GALNT18: variants seen among roughly 807,000 people sequenced by gnomAD.
GALNT18 encodes polypeptide N-acetylgalactosaminyltransferase 18, also known as GalNAc-transferase 18.
GALNT18 carries 44 observed loss-of-function variants against 69.5 expected under a neutral mutation model. The ratio of observed to expected loss-of-function variants is 0.63; its 90% confidence interval spans 0.50 to 0.81. The LOEUF (loss-of-function observed/expected upper bound fraction) is 0.81. GALNT18 is among the 40% of genes least tolerant of loss of function. The pLI is 0.00. For missense variants in GALNT18, 715 were observed against 810.0 expected, an observed-to-expected ratio of 0.88 and a Z score of 1.42; for synonymous variants, 364 against 318.2, an observed-to-expected ratio of 1.14 and a Z score of -1.53.
chr11:11,411,225 G>C (rs1220709901), intron 3 of GALNT18, among the ~76,000 whole-genome samples: 4 of 152,274 alleles, frequency 2.6e-5, no homozygotes, highest in Middle Eastern at 6.8e-3. Flanking sequence ...AAGGTGAGAG[G>C]ACCACTTGAG....
chr11:11,542,786 G>T lies in GALNT18; in HGVS notation c.235+78573C>A, dbSNP rs551388509. On this transcript the variant is annotated intron_variant, in intron 1 of 10. Coordinates refer to ENST00000227756, the MANE Select transcript of GALNT18 (RefSeq NM_198516.3). The surrounding 1 kb of genome is among the most constrained non-coding windows in gnomAD (Gnocchi z 4.3). ...GCCCCTTTCTTCATTATTTCTGATC[G>T]ATCTGCTTTTGATAGCACTTTCCAA... is the stretch of plus-strand genomic sequence containing the variant. Among the ~76,000 whole-genome samples, 128 of 152,238 alleles carry T rather than the reference G, an allele frequency of 8.4e-4. No individual in the cohort carries two copies. Among genetic ancestry groups the T allele is most frequent in the Non-Finnish European group, 1.6e-3 (107 of 68,012 alleles).
intron 1 of GALNT18, among the ~76,000 whole-genome samples, chr11:11,452,913 G>A (rs780864427): frequency 8.5e-5 from 13 of 152,166 alleles, no homozygotes; most frequent in Non-Finnish European, 1.3e-4. Context: ...CCCCAGGAGG[G>A]CCCATTCGAG....
chr11:11,522,236 ATCGGT>A (rs1358482951), intron 1 of GALNT18, among the ~76,000 whole-genome samples: 3 of 152,082 alleles, frequency 2.0e-5, no homozygotes, highest in Admixed American at 6.5e-5. Flanking sequence ...TCAAACACAC[ATCGGT>A]CCCTGCCCTA....
chr11:11,352,455 A>G (rs1850431483), intron 6 of GALNT18: 5 of 1,614,204 alleles, frequency 3.1e-6, no homozygotes, highest in Non-Finnish European at 4.2e-6. Context: ...CATACTTGCC[A>G]GCATACAACC....
chr11:11,548,301 C>T (rs1858109300), intron 1 of GALNT18, among the ~76,000 whole-genome samples: 1 of 152,174 alleles, frequency 6.6e-6, no homozygotes, highest in Non-Finnish European at 1.5e-5. Context: ...AGTTCCAGTG[C>T]ACTGCATGGA....
intron 10 of GALNT18, among the ~76,000 whole-genome samples, chr11:11,291,683 G>A (rs1849302089): frequency 6.6e-6 from 1 of 151,864 alleles, no homozygotes; most frequent in African/African-American, 2.4e-5. Context: ...CCTCGGAAAT[G>A]CTCCCATTTG....
At chr11:11,395,777 A>G (rs368612373) in intron 3 of GALNT18, among the ~76,000 whole-genome samples, 27 of 152,286 alleles carry the variant, frequency 1.8e-4, no homozygotes, top group African/African-American at 6.3e-4. Context: ...AAGAAAGGGA[A>G]CCTCACTCTG....
chr11:11,509,172 G>A (rs1488708850), intron 1 of GALNT18, among the ~76,000 whole-genome samples: 1 of 151,750 alleles, frequency 6.6e-6, no homozygotes, highest in East Asian at 1.9e-4. Context: ...AAAAAAAAAA[G>A]CTTCCTCCTT....
chr11:11,351,096 G>A (rs1227594157), intron 6 of GALNT18, among the ~76,000 whole-genome samples: 1 of 152,180 alleles, frequency 6.6e-6, no homozygotes, highest in African/African-American at 2.4e-5. Flanking sequence ...TGGAGTGTCT[G>A]GAAGGTGACC....
chr11:11,438,517 G>C (rs554996654), intron 2 of GALNT18, among the ~76,000 whole-genome samples: 4 of 152,082 alleles, frequency 2.6e-5, no homozygotes, highest in Admixed American at 2.6e-4. Flanking sequence ...CTACAATTCC[G>C]TACGGTAAAC....
chr11:11,533,774 T>A (rs1329470859), intron 1 of GALNT18, among the ~76,000 whole-genome samples: 1 of 152,240 alleles, frequency 6.6e-6, no homozygotes, highest in Non-Finnish European at 1.5e-5. Flanking sequence ...TGCATGTCTG[T>A]GTATCTGGTA....
chr11:11,521,729 C>T (rs932532172), intron 1 of GALNT18, among the ~76,000 whole-genome samples: 3 of 152,098 alleles, frequency 2.0e-5, no homozygotes, highest in South Asian at 2.1e-4. Flanking sequence ...CAGTCACTTC[C>T]GATGAAGCTT....
intron 1 of GALNT18, among the ~76,000 whole-genome samples, chr11:11,478,556 G>C (rs1856451551): frequency 6.6e-6 from 1 of 152,164 alleles, no homozygotes; most frequent in African/African-American, 2.4e-5. Flanking sequence ...CAGAAGGATG[G>C]AGCACTCCTG....
At position 11,584,893 on chromosome 11, in the gene GALNT18, T is replaced by C. The variant is rs1459713186; in HGVS notation, c.235+36466A>G. On this transcript the variant is annotated intron_variant, in intron 1 of 10. Transcript: ENST00000227756. The surrounding 1 kb of genome is among the most constrained non-coding windows in gnomAD (Gnocchi z 4.1). ...TCACTCCAAGGAAAATAAGTGATAA[T>C]ATTTTTCCCCAGTGATAAAATCCAA... Among the ~76,000 whole-genome samples, 1 of 152,244 alleles carries C rather than the reference T, an allele frequency of 6.6e-6. No individual in the cohort carries two copies. Among genetic ancestry groups the C allele is most frequent in the Non-Finnish European group, 1.5e-5 (1 of 68,048 alleles).
rs1175272981 is a variant in GALNT18, at chr11:11,381,917, G to T, written c.596-2653C>A. Reference sequence around the variant, plus strand: ...TCTGGAATGGTTTGTTATACACAATGGCTGTAATAAACATTTTCTATTGTT... The same window carrying T: ...TCTGGAATGGTTTGTTATACACAATTGCTGTAATAAACATTTTCTATTGTT... On this transcript the variant is annotated intron_variant, in intron 3 of 10. Transcript: ENST00000227756. 2.0e-5 allele frequency among the ~76,000 whole-genome samples: 3 copies of T among 152,194 alleles called. No homozygotes were observed. In the East Asian group the frequency reaches 5.8e-4, roughly 29 times the overall value.
At position 11,432,912 on chromosome 11, in the gene GALNT18, C is replaced by T. The variant is rs993173764; in HGVS notation, c.429-125G>A. 7 of 864,410 alleles carry T rather than the reference C, an allele frequency of 8.1e-6. No individual in the cohort carries two copies. Among genetic ancestry groups the T allele is most frequent in the Non-Finnish European group, 1.2e-5 (7 of 571,508 alleles). The allele number at this position is 864,410 out of a possible 1,614,324, so 53.5% of individuals were successfully genotyped here. A position where few individuals can be genotyped will look rare whatever the true frequency, so the allele number is the denominator to read the frequency against. On this transcript the variant is annotated intron_variant, in intron 2 of 10. Coordinates refer to ENST00000227756, the MANE Select transcript of GALNT18 (RefSeq NM_198516.3). This position sits in a 1 kb window ranked among gnomAD's most constrained non-coding sequence, Gnocchi z 5.8. ...GGGAGTCCAGATTCTTCCAAGGGCC[C>T]CTTCTTTGATGCACTTAAGATGAGC... is the stretch of plus-strand genomic sequence containing the variant.
intron 1 of GALNT18, among the ~76,000 whole-genome samples, chr11:11,518,811 C>A (rs1189707782): frequency 6.6e-6 from 1 of 152,146 alleles, no homozygotes; most frequent in African/African-American, 2.4e-5. Flanking sequence ...CTGGACCCAC[C>A]AGCTTCTCTA....
chr11:11,313,716 C>A lies in GALNT18; in HGVS notation c.1512+13370G>T, dbSNP rs184322359. ...GGGTTCCAAACCAGGTTCTACCACT[C>A]GGTAATTGTGTAACCTTGAGCAAGT... On this transcript the variant is annotated intron_variant, in intron 9 of 10. Transcript: ENST00000227756. Among the ~76,000 whole-genome samples the A allele has an allele frequency of 1.9e-3, 288 of 152,244 alleles. 1 individual carries two copies. Among genetic ancestry groups the A allele is most frequent in the African/African-American group, 5.9e-3 (247 of 41,534 alleles).
At chr11:11,434,007 G>A (rs1315888297) in intron 2 of GALNT18, among the ~76,000 whole-genome samples, 1 of 152,062 alleles carries the variant, frequency 6.6e-6, no homozygotes, top group Non-Finnish European at 1.5e-5. Flanking sequence ...CTGCTTGTTG[G>A]TAATTGCAGT....
Sources: gnomAD v4.1 joint callset for allele counts (sites outside exome capture counted in the v4.1 genomes callset) on GRCh38, gnomAD v4.1.1 for gene constraint, Gnocchi (gnomAD v3.1) non-coding constraint, MANE v1.5 for transcripts, NCBI Gene and HGNC (gene_info 2026-07-23, HGNC 2026-07-21) for gene names.